The following GFRA1 variants were observed in gnomAD, a reference collection of about 807,000 sequenced individuals.
GFRA1 encodes the protein GDNF family receptor alpha 1.
In GFRA1, 16 loss-of-function variants were observed where a neutral mutation model predicts 51.6. That is an observed-to-expected ratio of 0.31 (90% CI 0.21 to 0.47). The LOEUF is 0.47. GFRA1 is among the 20% of genes least tolerant of loss of function. The pLI, the probability that GFRA1 is intolerant of heterozygous loss-of-function variation, is 1.00. For synonymous variants in GFRA1, 270 were observed against 241.3 expected (o/e 1.12, Z -1.10); for missense variants, 530 against 594.3 (o/e 0.89, Z 1.13).
intron 5 of GFRA1, among the ~76,000 whole-genome samples, chr10:116,174,982 T>G (rs2134244355): frequency 6.6e-6 from 1 of 152,286 alleles, no homozygotes; most frequent in East Asian, 1.9e-4. Context: ...AAATGCGCTG[T>G]CCTAATCAGT....
At chr10:116,171,473 A>T (rs1251945833) in intron 5 of GFRA1, among the ~76,000 whole-genome samples, 1 of 152,220 alleles carries the variant, frequency 6.6e-6, no homozygotes. Flanking sequence ...CTGTAATAAC[A>T]TCTATTTCAA....
At chr10:116,232,208 A>G (rs182375280) in intron 4 of GFRA1, among the ~76,000 whole-genome samples, 3 of 152,334 alleles carry the variant, frequency 2.0e-5, no homozygotes, top group South Asian at 4.1e-4. Flanking sequence ...AATTAAACAT[A>G]TTCCATACTA....
chr10:116,084,761 A>AACAC lies in GFRA1; in HGVS notation c.1197+4976_1197+4979dup, dbSNP rs5788130. Reference sequence around the variant, plus strand: ...CCAAAGATATTTACTTTAAATAAGTAACACACACACACACACACACACACA... The same window carrying AACAC: ...CCAAAGATATTTACTTTAAATAAGTAACACACACACACACACACACACACACACA... On this transcript the variant is annotated intron_variant, in intron 9 of 10. Coordinates refer to ENST00000355422, the MANE Select transcript of GFRA1 (RefSeq NM_005264.8). Among the ~76,000 whole-genome samples the AACAC allele has an allele frequency of 3.8e-3, 532 of 140,154 alleles. 3 individuals carry two copies. The highest frequency in any genetic ancestry group is 7.1e-3 in the East Asian group (34 of 4,764). The allele number at this position is 140,154 out of a possible 152,430, so 91.9% of individuals were successfully genotyped here. A position where few individuals can be genotyped will look rare whatever the true frequency, so the allele number is the denominator to read the frequency against.
In GFRA1 at chr10:116,261,601, C is replaced by A. The variant is rs1207013368; in HGVS notation, c.418+7902G>T. On this transcript the variant is annotated intron_variant, in intron 4 of 10. Transcript: ENST00000355422. ...TCAAATAAGATGCCTTAAATACATT[C>A]TAGTTCAAAGTAAGGTATACATTGA... Among the ~76,000 whole-genome samples the A allele has an allele frequency of 2.6e-5, 4 of 152,080 alleles. No individual in the cohort carries two copies. The East Asian group carries it at 7.7e-4, about 29-fold the overall frequency.
At chr10:116,181,031 G>A (rs1454722300) in intron 5 of GFRA1, among the ~76,000 whole-genome samples, 1 of 152,112 alleles carries the variant, frequency 6.6e-6, no homozygotes, top group Non-Finnish European at 1.5e-5. Flanking sequence ...GTTGTTCCTG[G>A]TAGAGAGTCA....
intron 6 of GFRA1, among the ~76,000 whole-genome samples, chr10:116,114,483 C>T (rs965476487): frequency 6.6e-6 from 1 of 152,226 alleles, no homozygotes; most frequent in Non-Finnish European, 1.5e-5. Context: ...TGTGGCATTT[C>T]CACATGACGT....
intron 6 of GFRA1, among the ~76,000 whole-genome samples, chr10:116,113,518 G>A (rs1465434031): frequency 1.3e-5 from 2 of 152,132 alleles, no homozygotes; most frequent in Non-Finnish European, 2.9e-5. Flanking sequence ...TAAAATTTTT[G>A]TTTTAACATA....
chr10:116,234,792 C>T (rs1483676182), intron 4 of GFRA1, among the ~76,000 whole-genome samples: 2 of 152,104 alleles, frequency 1.3e-5, no homozygotes, highest in African/African-American at 4.8e-5. Flanking sequence ...CAAATCTCAT[C>T]TTGAATTGTA....
chr10:116,064,287 C>CTGTT lies in GFRA1; in HGVS notation c.*107_*110dup. 1.1e-6 allele frequency: 1 copy of CTGTT among 900,634 alleles called. No individual in the cohort carries two copies. The highest frequency in any genetic ancestry group is 1.8e-6 in the Non-Finnish European group (1 of 564,732). The allele number at this position is 900,634 out of a possible 1,614,324, so 55.8% of individuals were successfully genotyped here. On this transcript the variant is annotated 3_prime_UTR_variant, in exon 11 of 11. Transcript: ENST00000355422. ...AAAAAAATGTTCCAGTTGAATGGAACTGTTTCTCAACTGAGCTCCTAAACT... is the reference window on the plus strand; with the variant it reads ...AAAAAAATGTTCCAGTTGAATGGAACTGTTTGTTTCTCAACTGAGCTCCTAAACT...
chr10:116,128,725 C>CAAA lies in GFRA1; in HGVS notation c.434-3171_434-3169dup, dbSNP rs67642059. On this transcript the variant is annotated intron_variant, in intron 5 of 10. Coordinates refer to ENST00000355422, the MANE Select transcript of GFRA1 (RefSeq NM_005264.8). The stretch of plus-strand genomic sequence containing the variant: ...TGGGGGACTGAGTGAGACTCTGTCT[C>CAAA]AAAAAAAAAAAAAAAAAAAAAAAAA... 1.0e-3 allele frequency among the ~76,000 whole-genome samples: 92 copies of CAAA among 87,800 alleles called. 2 individuals are homozygous for CAAA. The highest frequency in any genetic ancestry group is 3.9e-3 in the African/African-American group (87 of 22,568). 57.6% of individuals were successfully genotyped at this position (87,800 alleles called of 152,430 possible). A position where few individuals can be genotyped will look rare whatever the true frequency, so the allele number is the denominator to read the frequency against.
At chr10:116,158,989 G>A (rs369588301) in intron 5 of GFRA1, among the ~76,000 whole-genome samples, 5 of 152,188 alleles carry the variant, frequency 3.3e-5, no homozygotes, top group South Asian at 2.1e-4. Flanking sequence ...CGCAGCAAAC[G>A]CTTTGCATTT....
Position 116,217,947 on chromosome 10 carries a change from AG to A in GFRA1, c.419-6303del, listed in dbSNP as rs1367261745. Among the ~76,000 whole-genome samples, 15 of 152,336 alleles carry A rather than the reference AG, an allele frequency of 9.8e-5. No homozygotes were observed. The South Asian group carries it at 2.9e-3, about 29-fold the overall frequency. Reference sequence around the variant, plus strand: ...CTCTGCGACTTGCATAGGACTGTAAAGGAATCATGAGAGGAAAATTCATGAA... The same window carrying A: ...CTCTGCGACTTGCATAGGACTGTAAAGAATCATGAGAGGAAAATTCATGAA... On this transcript the variant is annotated intron_variant, in intron 4 of 10. Transcript: ENST00000355422.
intron 5 of GFRA1, among the ~76,000 whole-genome samples, chr10:116,132,672 C>T (rs1235433468): frequency 6.6e-6 from 1 of 152,136 alleles, no homozygotes; most frequent in African/African-American, 2.4e-5. Context: ...AAAATAAACA[C>T]TGCTGAAATC....
chr10:116,252,074 A>G (rs1411359688), intron 4 of GFRA1, among the ~76,000 whole-genome samples: 1 of 142,662 alleles, frequency 7.0e-6, no homozygotes, highest in East Asian at 2.2e-4. Flanking sequence ...AGTGTTTTAC[A>G]TCTAGGGTAA....
At chr10:116,198,041 A>T (rs1346668907) in intron 5 of GFRA1, among the ~76,000 whole-genome samples, 2 of 152,146 alleles carry the variant, frequency 1.3e-5, no homozygotes, top group African/African-American at 4.8e-5. Context: ...AAGAACTAGG[A>T]TGCATTAACT....
Position 116,126,438 on chromosome 10 carries a change from C to T in GFRA1, c.434-881G>A, listed in dbSNP as rs140445393. Among the ~76,000 whole-genome samples the T allele has an allele frequency of 6.7e-3, 1,021 of 152,330 alleles. 7 individuals are homozygous for T. The highest frequency in any genetic ancestry group is 0.014 in the Middle Eastern group (4 of 294). On this transcript the variant is annotated intron_variant, in intron 5 of 10. Transcript: ENST00000355422. ...AGCGAGAGCATGGTGGAGGCAGGGC[C>T]CACTCGGTGCCTGGGCAGGCAGGCC...
At chr10:116,079,630 C>T (rs879550198) in intron 9 of GFRA1, among the ~76,000 whole-genome samples, 1 of 152,052 alleles carries the variant, frequency 6.6e-6, no homozygotes, top group African/African-American at 2.4e-5. Flanking sequence ...TACTGGTATC[C>T]GGACGGTAGA....
At chr10:116,207,327 T>C (rs533597372) in intron 5 of GFRA1, among the ~76,000 whole-genome samples, 5 of 136,048 alleles carry the variant, frequency 3.7e-5, no homozygotes. Flanking sequence ...TCAGTTTGTT[T>C]GTTTAACCTT....
chr10:116,258,632 A>G (rs1182113731), intron 4 of GFRA1, among the ~76,000 whole-genome samples: 1 of 152,108 alleles, frequency 6.6e-6, no homozygotes, highest in Non-Finnish European at 1.5e-5. Context: ...ACATACATGC[A>G]AATGGGTGCT....
Sources: allele counts gnomAD v4.1 joint callset (sites outside exome capture counted in the v4.1 genomes callset), GRCh38; gene constraint gnomAD v4.1.1; transcripts MANE v1.5; gene names NCBI Gene and HGNC (gene_info 2026-07-23, HGNC 2026-07-21).